The following ZNF717 variants were observed in gnomAD, a reference collection of about 807,000 sequenced individuals.
ZNF717 encodes the protein zinc finger protein 717.
ZNF717 carries 9 observed loss-of-function variants against 13.8 expected under a neutral mutation model. The ratio of observed to expected loss-of-function variants is 0.65; its 90% confidence interval spans 0.39 to 1.14. The LOEUF is 1.14. ZNF717 is among the 50% of genes most tolerant of loss of function. ZNF717 has a pLI of 0.01. For synonymous variants in ZNF717, 327 were observed against 364.1 expected (o/e 0.90, Z 1.16); for missense variants, 1,040 against 1,080.7 (o/e 0.96, Z 0.53).
intron 2 of ZNF717, among the ~76,000 whole-genome samples, chr3:75,769,332 G>A (rs567463821): frequency 1.8e-4 from 28 of 152,242 alleles, no homozygotes; most frequent in Admixed American, 1.8e-3. Flanking sequence ...AGGGCTGGGT[G>A]CCTACTCCAC....
intron 2 of ZNF717, among the ~76,000 whole-genome samples, chr3:75,748,373 C>T (rs202091988): frequency 7.9e-5 from 12 of 151,996 alleles, no homozygotes; most frequent in Non-Finnish European, 1.5e-4. Context: ...AAAGCCTGGA[C>T]GAGACATAAT....
Position 75,762,111 on chromosome 3 carries a change from GAAAA to G in ZNF717, c.58-20379_58-20376del, listed in dbSNP as rs1185332009. Among the ~76,000 whole-genome samples the G allele has an allele frequency of 2.0e-5, 3 of 146,370 alleles. No homozygotes were observed. In the East Asian group the frequency reaches 6.1e-4, roughly 30 times the overall value. On this transcript the variant is annotated intron_variant, in intron 2 of 4. Transcript: ENST00000652011. ...AAAGAAAAGAAAAAAAGAAAAGAAA[GAAAA>G]AGAAAACAAAAGAAAAGAAATTTTT...
At chr3:75,783,044 C>T (rs1329439215) in intron 2 of ZNF717, among the ~76,000 whole-genome samples, 2 of 152,340 alleles carry the variant, frequency 1.3e-5, no homozygotes, top group South Asian at 2.1e-4. Flanking sequence ...GCTCTCTTCG[C>T]GGGTTCCATT....
At chr3:75,747,758 G>A (rs1170278787) in intron 2 of ZNF717, among the ~76,000 whole-genome samples, 14 of 152,192 alleles carry the variant, frequency 9.2e-5, no homozygotes, top group Admixed American at 9.2e-4. Context: ...AGGAGATTTT[G>A]GGCTGAGATG....
chr3:75,744,594 C>T (rs2107260739), intron 2 of ZNF717, among the ~76,000 whole-genome samples: 1 of 152,268 alleles, frequency 6.6e-6, no homozygotes, highest in African/African-American at 2.4e-5. Context: ...TGGTGAACGG[C>T]TGGAGGATCC....
At chr3:75,718,357 C>T (rs62248768) in intron 4 of ZNF717, among the ~76,000 whole-genome samples, 1 of 152,060 alleles carries the variant, frequency 6.6e-6, no homozygotes, top group African/African-American at 2.4e-5. Flanking sequence ...CTTATTATAC[C>T]GTTACGGTCA....
chr3:75,747,662 C>G (rs1416249734), intron 2 of ZNF717, among the ~76,000 whole-genome samples: 13 of 152,064 alleles, frequency 8.5e-5, no homozygotes, highest in Non-Finnish European at 4.4e-5. Context: ...CTCTCTGTTT[C>G]CCTGTTATTG....
chr3:75,780,629 T>C (rs1005084728), intron 2 of ZNF717, among the ~76,000 whole-genome samples: 1 of 152,254 alleles, frequency 6.6e-6, no homozygotes, highest in Non-Finnish European at 1.5e-5. Flanking sequence ...CTCAATCTCC[T>C]GACCTTGTGA....
Position 75,781,847 on chromosome 3 carries a change from T to G in ZNF717, c.57+1459A>C, listed in dbSNP as rs559225737. Among the ~76,000 whole-genome samples the G allele has an allele frequency of 2.0e-5, 3 of 152,112 alleles. No homozygotes were observed. The South Asian group carries it at 6.2e-4, about 32-fold the overall frequency. The stretch of plus-strand genomic sequence containing the variant: ...GCCCAGAGCCCCCTCACCTATCACT[T>G]TGTGGTGAATTTAAAGCCCCTGCAC... On this transcript the variant is annotated intron_variant, in intron 2 of 4. Transcript: ENST00000652011.
chr3:75,749,291 T>C (rs76314232), intron 2 of ZNF717, among the ~76,000 whole-genome samples: 1 of 150,574 alleles, frequency 6.6e-6, no homozygotes, highest in East Asian at 2.0e-4. Context: ...ACTGCTAGTG[T>C]GTTCTGAATC....
At chr3:75,745,926 A>C (rs1476110825) in intron 2 of ZNF717, among the ~76,000 whole-genome samples, 3 of 152,070 alleles carry the variant, frequency 2.0e-5, no homozygotes, top group African/African-American at 4.8e-5. Context: ...CACAACGTGC[A>C]GGTTTCTTAC....
chr3:75,772,184 T>C (rs111925514), intron 2 of ZNF717, among the ~76,000 whole-genome samples: 1,896 of 151,568 alleles, frequency 0.013, 25 homozygotes, highest in African/African-American at 0.043. Flanking sequence ...TGGGATGACC[T>C]GACTGCAGAA....
At chr3:75,764,671 A>G (rs1943288720) in intron 2 of ZNF717, among the ~76,000 whole-genome samples, 1 of 152,258 alleles carries the variant, frequency 6.6e-6, no homozygotes, top group Non-Finnish European at 1.5e-5. Context: ...GAGATATATG[A>G]GAAGATGTGT....
At chr3:75,733,995 T>C (rs1394441780), downstream of ZNF717, among the ~76,000 whole-genome samples, 3 of 136,284 alleles carry the variant, frequency 2.2e-5, no homozygotes, top group East Asian at 2.1e-4. Context: ...AGATGTGTCA[T>C]GTGAGAAAAT....
intron 2 of ZNF717, among the ~76,000 whole-genome samples, chr3:75,767,019 G>A (rs62268118): frequency 6.6e-6 from 1 of 150,868 alleles, no homozygotes; most frequent in Non-Finnish European, 1.5e-5. Context: ...CAATTCCCCT[G>A]AACCTTGCCC....
rs143536378 is a variant in ZNF717 at position 75,756,736 on chromosome 3, G to A, written c.58-15000C>T. Among the ~76,000 whole-genome samples the A allele has an allele frequency of 3.8e-3, 570 of 151,968 alleles. 2 individuals are homozygous for A. Among genetic ancestry groups the A allele is most frequent in the Admixed American group, 0.025 (389 of 15,268 alleles). On this transcript the variant is annotated intron_variant, in intron 2 of 4. Transcript: ENST00000652011. ...CTTGCCCAAGCTAGAGTGCAATGGC[G>A]CGATCTCGGCTCATCGCAACCTCTG...
At chr3:75,729,637 A>ATCT (rs58508799), downstream of ZNF717, among the ~76,000 whole-genome samples, 1 of 138,652 alleles carries the variant, frequency 7.2e-6, no homozygotes, top group African/African-American at 2.7e-5. Flanking sequence ...AAAAAAAAAA[A>ATCT]GGATAAGCTA....
intron 2 of ZNF717, among the ~76,000 whole-genome samples, chr3:75,780,574 G>C (rs1045065909): frequency 6.6e-6 from 1 of 152,176 alleles, no homozygotes. Flanking sequence ...GCTAATTTTT[G>C]TATTTTTAGT....
chr3:75,729,679 G>GA (rs1311415005), downstream of ZNF717, among the ~76,000 whole-genome samples: 2 of 145,090 alleles, frequency 1.4e-5, no homozygotes, highest in African/African-American at 5.1e-5. Flanking sequence ...AATTTTAACA[G>GA]AAACACTTTA....
Sources: gnomAD v4.1 joint callset for allele counts (sites outside exome capture counted in the v4.1 genomes callset) on GRCh38, gnomAD v4.1.1 for gene constraint, MANE v1.5 for transcripts, NCBI Gene and HGNC (gene_info 2026-07-23, HGNC 2026-07-21) for gene names.